CACNB4: variants seen among roughly 807,000 people sequenced by gnomAD.
CACNB4 encodes the protein calcium voltage-gated channel auxiliary subunit beta 4.
A neutral mutation model predicts 71.2 loss-of-function variants in CACNB4; 32 were observed. The observed-to-expected ratio is 0.45, with a 90% CI of 0.34 to 0.60. CACNB4 has a LOEUF of 0.60. Ranked by LOEUF, CACNB4 falls within the 20% of genes least tolerant of loss-of-function variation. The pLI, the probability that CACNB4 is intolerant of heterozygous loss-of-function variation, is 0.01. For missense variants in CACNB4, 464 were observed against 647.9 expected, an observed-to-expected ratio of 0.72 and a Z score of 3.08; for synonymous variants, 231 against 236.9, an observed-to-expected ratio of 0.97 and a Z score of 0.23.
intron 9 of CACNB4, among the ~76,000 whole-genome samples, chr2:151,864,066 A>G (rs533361804): frequency 6.6e-6 from 1 of 152,158 alleles, no homozygotes; most frequent in Admixed American, 6.5e-5. Context: ...ACTTTTTTTA[A>G]CTTAAAGTGG....
At chr2:151,922,422 T>C (rs4549088) in intron 2 of CACNB4, among the ~76,000 whole-genome samples, 146,805 of 152,238 alleles carry the variant, frequency 0.96, 71,009 homozygotes, top group East Asian at 1. Context: ...AGGCTGGTCT[T>C]GAACTCCTGG....
intron 2 of CACNB4, among the ~76,000 whole-genome samples, chr2:152,091,075 C>G (rs1213208011): frequency 6.6e-6 from 1 of 151,646 alleles, no homozygotes; most frequent in African/African-American, 2.4e-5. Context: ...TTAGGCAATT[C>G]TATCCATCAG....
chr2:152,043,917 C>A (rs747902129), intron 2 of CACNB4, among the ~76,000 whole-genome samples: 2 of 152,080 alleles, frequency 1.3e-5, no homozygotes, highest in African/African-American at 2.4e-5. Flanking sequence ...ATTAAAAAAA[C>A]CAAAAGAGCC....
intron 13 of CACNB4, among the ~76,000 whole-genome samples, chr2:151,841,413 T>C (rs946969743): frequency 1.1e-4 from 16 of 152,016 alleles, no homozygotes; most frequent in Non-Finnish European, 8.8e-5. Context: ...ACACTGTCTC[T>C]ACAATTTTTT....
In CACNB4 at chr2:152,098,846, G is replaced by A. The variant is rs1289353831; in HGVS notation, c.63+103C>T. The A allele has an allele frequency of 1.4e-5, 15 of 1,088,116 alleles. No individual in the cohort carries two copies. Among genetic ancestry groups the A allele is most frequent in the Non-Finnish European group, 1.9e-5 (15 of 772,730 alleles). The allele number at this position is 1,088,116 out of a possible 1,614,324, so 67.4% of individuals were successfully genotyped here. ...AGCGGGGCCGCCGACTCCCGGGACT[G>A]GGGCCCCGCACGCCCGGCACGAAGG... On this transcript the variant is annotated intron_variant, in intron 1 of 13. Coordinates refer to ENST00000539935, the MANE Select transcript of CACNB4 (RefSeq NM_000726.5). The surrounding 1 kb of genome is among the most constrained non-coding windows in gnomAD (Gnocchi z 5.3).
At chr2:151,869,354 C>T (rs1332596143) in intron 8 of CACNB4, 119 bp from the exon 9 acceptor site, 15 of 622,436 alleles carry the variant, frequency 2.4e-5, no homozygotes, top group Admixed American at 8.1e-5. Context: ...TGTAGCCATT[C>T]GTCTCCTAGG....
Position 151,838,958 on chromosome 2 carries a change from C to T in CACNB4, c.*161G>A. On this transcript the variant is annotated 3_prime_UTR_variant, in exon 14 of 14. Transcript: ENST00000539935. ...TCTAATATCCATCTAGACTCAAGGG[C>T]ATAATGTAATTTTTTTTTTTGCCCC... The T allele has an allele frequency of 3.5e-6, 2 of 565,834 alleles. No homozygotes were observed. The highest frequency in any genetic ancestry group is 2.8e-5 in the East Asian group (1 of 35,344). The allele number at this position is 565,834 out of a possible 1,614,324, so 35.1% of individuals were successfully genotyped here.
chr2:151,850,661 A>G (rs1333069570), intron 12 of CACNB4: 1 of 152,164 alleles, frequency 6.6e-6, no homozygotes, highest in African/African-American at 2.4e-5. Context: ...AGGATGCTCA[A>G]TGGAAAAGCA....
intron 2 of CACNB4, among the ~76,000 whole-genome samples, chr2:152,059,826 T>C (rs1685914646): frequency 6.6e-6 from 1 of 152,180 alleles, no homozygotes; most frequent in Non-Finnish European, 1.5e-5. Context: ...TCATTTTGAA[T>C]TGCAATCCAC....
intron 2 of CACNB4, among the ~76,000 whole-genome samples, chr2:152,054,100 G>A (rs1685592391): frequency 6.6e-6 from 1 of 152,024 alleles, no homozygotes; most frequent in African/African-American, 2.4e-5. Flanking sequence ...GGGCGCGGTG[G>A]CTCACGCCTG....
At chr2:152,079,152 G>A (rs538206151) in intron 2 of CACNB4, among the ~76,000 whole-genome samples, 35 of 152,042 alleles carry the variant, frequency 2.3e-4, no homozygotes, top group African/African-American at 8.0e-4. Flanking sequence ...GCAGTGGCTC[G>A]ATCTAAGCTC....
chr2:152,063,473 T>G (rs573692005), intron 2 of CACNB4, among the ~76,000 whole-genome samples: 1 of 152,308 alleles, frequency 6.6e-6, no homozygotes, highest in Admixed American at 6.5e-5. Flanking sequence ...CAGGCAATCT[T>G]GCTCTAGAGG....
intron 2 of CACNB4, among the ~76,000 whole-genome samples, chr2:152,000,727 C>A (rs968171901): frequency 2.0e-5 from 3 of 152,176 alleles, no homozygotes; most frequent in African/African-American, 7.2e-5. Flanking sequence ...CAATTAGCCA[C>A]CAAATCCTCC....
intron 2 of CACNB4, among the ~76,000 whole-genome samples, chr2:152,002,737 T>C (rs896266020): frequency 2.0e-5 from 3 of 152,218 alleles, no homozygotes; most frequent in African/African-American, 7.2e-5. Context: ...GTATGGCTAT[T>C]ATCATTCACA....
intron 2 of CACNB4, among the ~76,000 whole-genome samples, chr2:152,002,450 CA>C (rs1220041811): frequency 6.6e-6 from 1 of 152,190 alleles, no homozygotes; most frequent in African/African-American, 2.4e-5. Flanking sequence ...CGAGGTTATA[CA>C]GCGACCATGG....
intron 2 of CACNB4, among the ~76,000 whole-genome samples, chr2:152,031,697 G>A (rs1394755750): frequency 6.6e-6 from 1 of 152,194 alleles, no homozygotes; most frequent in African/African-American, 2.4e-5. Flanking sequence ...TCGGATTTCA[G>A]AGTCCTGATG....
chr2:151,942,822 G>C (rs1454145265), intron 2 of CACNB4, among the ~76,000 whole-genome samples: 1 of 152,064 alleles, frequency 6.6e-6, no homozygotes, highest in Non-Finnish European at 1.5e-5. Flanking sequence ...ACTCTGCCCT[G>C]GTAAATTTAT....
intron 2 of CACNB4, among the ~76,000 whole-genome samples, chr2:151,995,386 A>C (rs1457687444): frequency 6.6e-6 from 1 of 152,374 alleles, no homozygotes; most frequent in East Asian, 1.9e-4. Context: ...TGCTTAGCAC[A>C]AAAAGAAGCA....
chr2:152,011,547 G>C (rs1015487460), intron 2 of CACNB4, among the ~76,000 whole-genome samples: 16 of 152,246 alleles, frequency 1.1e-4, no homozygotes, highest in Admixed American at 2.0e-4. Context: ...AACATACCTG[G>C]GTAGAATATC....
Sources: gnomAD v4.1 joint callset for allele counts (sites outside exome capture counted in the v4.1 genomes callset) on GRCh38, gnomAD v4.1.1 for gene constraint, Gnocchi (gnomAD v3.1) non-coding constraint, MANE v1.5 for transcripts, NCBI Gene and HGNC (gene_info 2026-07-23, HGNC 2026-07-21) for gene names.